BABAM2: variants seen among roughly 807,000 people sequenced by gnomAD.
The protein encoded by BABAM2 is BRISC and BRCA1-A complex member 2.
A neutral mutation model predicts 54.7 loss-of-function variants in BABAM2; 31 were observed. The observed-to-expected ratio is 0.57, with a 90% CI of 0.43 to 0.77. The LOEUF is 0.77. BABAM2 is among the 30% of genes least tolerant of loss of function. The probability of loss-of-function intolerance (pLI) is 0.00; values close to 1 mark genes in which losing one functional copy is unlikely to be tolerated. For synonymous variants in BABAM2, 167 were observed against 162.9 expected (o/e 1.03, Z -0.19); for missense variants, 364 against 455.8 (o/e 0.80, Z 1.83).
chr2:28,167,247 C>T (rs1400653102), intron 7 of BABAM2, among the ~76,000 whole-genome samples: 2 of 152,118 alleles, frequency 1.3e-5, no homozygotes, highest in Non-Finnish European at 2.9e-5. Context: ...TTGCCTTTGT[C>T]TTCAAGAAGG....
intron 6 of BABAM2, among the ~76,000 whole-genome samples, chr2:28,076,102 A>G (rs1664634458): frequency 6.6e-6 from 1 of 152,056 alleles, no homozygotes; most frequent in African/African-American, 2.4e-5. Flanking sequence ...TGTCTCTACA[A>G]CAAAAAATAA....
rs892167380 is a variant in BABAM2, at chr2:27,921,300, G to A, written c.129-8532G>A. Among the ~76,000 whole-genome samples, 4 of 152,054 alleles carry A rather than the reference G, an allele frequency of 2.6e-5. No individual in the cohort carries two copies. In the East Asian group the frequency reaches 7.7e-4, roughly 29 times the overall value. ...TCTTTTCATTAGAACGCATGTAATA[G>A]AACTTCTTTTTGGCAATATTTTGTC... On this transcript the variant is annotated intron_variant, in intron 2 of 11. Transcript: ENST00000379624.
chr2:28,170,522 A>G (rs948200107), intron 7 of BABAM2, among the ~76,000 whole-genome samples: 12 of 152,118 alleles, frequency 7.9e-5, no homozygotes, highest in African/African-American at 2.9e-4. Flanking sequence ...CCATTAAAGT[A>G]ATTAATTTAG....
intron 2 of BABAM2, among the ~76,000 whole-genome samples, chr2:27,900,023 C>T (rs76260822): frequency 0.01 from 1,568 of 152,128 alleles, 11 homozygotes; most frequent in Non-Finnish European, 0.015. Context: ...TTCCATCAGC[C>T]GAAGTGTGAA....
chr2:28,122,121 C>T (rs138016879), intron 6 of BABAM2, among the ~76,000 whole-genome samples: 2,537 of 152,184 alleles, frequency 0.017, 59 homozygotes, highest in African/African-American at 0.058. Flanking sequence ...GAGGCTGAGG[C>T]AGGAGAATGG....
At chr2:28,157,716 A>G (rs1672683995) in intron 7 of BABAM2, among the ~76,000 whole-genome samples, 1 of 152,146 alleles carries the variant, frequency 6.6e-6, no homozygotes, top group South Asian at 2.1e-4. Context: ...GGTTCAAGCT[A>G]TTCTTTTGCC....
intron 2 of BABAM2, 32 bp from the exon 3 acceptor site, chr2:27,929,800 T>G: frequency 6.3e-7 from 1 of 1,594,776 alleles, no homozygotes; most frequent in Non-Finnish European, 8.6e-7. Flanking sequence ...TTAAAAAATC[T>G]TTTCTTTCTT....
chr2:28,278,510 G>C (rs1052548259), intron 10 of BABAM2, among the ~76,000 whole-genome samples: 1 of 152,206 alleles, frequency 6.6e-6, no homozygotes, highest in Non-Finnish European at 1.5e-5. Context: ...GCTAAGGAAA[G>C]AGTGGAAATT....
chr2:28,078,566 G>T (rs929660718), intron 6 of BABAM2, among the ~76,000 whole-genome samples: 3 of 152,148 alleles, frequency 2.0e-5, no homozygotes, highest in African/African-American at 7.2e-5. Flanking sequence ...TGCTATCCAT[G>T]ATTTTAGGCA....
intron 3 of BABAM2, among the ~76,000 whole-genome samples, chr2:27,940,945 TTC>T (rs982442746): frequency 2.0e-5 from 3 of 152,064 alleles, no homozygotes; most frequent in African/African-American, 7.2e-5. Flanking sequence ...AACCCCCGAC[TTC>T]TGTTTCTCCC....
At chr2:28,158,218 T>C (rs1434790406) in intron 7 of BABAM2, among the ~76,000 whole-genome samples, 3 of 152,126 alleles carry the variant, frequency 2.0e-5, no homozygotes, top group Non-Finnish European at 4.4e-5. Flanking sequence ...AGAACAATGT[T>C]CACCCTCACC....
At chr2:28,334,462 C>T (rs974575915) in intron 11 of BABAM2, among the ~76,000 whole-genome samples, 1 of 152,256 alleles carries the variant, frequency 6.6e-6, no homozygotes, top group African/African-American at 2.4e-5. Flanking sequence ...GCAGCCTCTC[C>T]CCTTGATGTT....
chr2:27,952,621 TC>T (rs1354475481), intron 3 of BABAM2, among the ~76,000 whole-genome samples: 1 of 152,218 alleles, frequency 6.6e-6, no homozygotes, highest in Non-Finnish European at 1.5e-5. Flanking sequence ...TGAACTGTTC[TC>T]ATCTCTGGGA....
intron 4 of BABAM2, chr2:28,015,793 C>T (rs1456488409): frequency 1.9e-6 from 2 of 1,036,952 alleles, no homozygotes; most frequent in Non-Finnish European, 2.6e-6. Context: ...TTTCTTCTTC[C>T]ACTGTTTTTC....
At chr2:28,110,241 C>T (rs1432066089) in intron 6 of BABAM2, among the ~76,000 whole-genome samples, 2 of 152,080 alleles carry the variant, frequency 1.3e-5, no homozygotes, top group African/African-American at 4.8e-5. Flanking sequence ...TATATGTGTA[C>T]ATATATACCA....
intron 2 of BABAM2, among the ~76,000 whole-genome samples, chr2:27,925,334 A>G (rs1378222717): frequency 1.3e-5 from 2 of 152,256 alleles, no homozygotes; most frequent in East Asian, 3.9e-4. Flanking sequence ...CCTTTTCCCT[A>G]AACATGCTCC....
intron 7 of BABAM2, among the ~76,000 whole-genome samples, chr2:28,206,301 T>C (rs1389683690): frequency 6.6e-6 from 1 of 152,152 alleles, no homozygotes; most frequent in Non-Finnish European, 1.5e-5. Flanking sequence ...CTTGGGAACC[T>C]GAATGCCAGC....
chr2:28,232,201 C>T (rs775093099), intron 7 of BABAM2, among the ~76,000 whole-genome samples: 51 of 152,190 alleles, frequency 3.4e-4, no homozygotes, highest in Non-Finnish European at 5.6e-4. Flanking sequence ...ATTATGATTG[C>T]GAATCACTAG....
At chr2:28,076,458 ATATT>A (rs1005529042) in intron 6 of BABAM2, among the ~76,000 whole-genome samples, 1,888 of 140,180 alleles carry the variant, frequency 0.013, 38 homozygotes, top group African/African-American at 0.046. Context: ...TTTTTATTTT[ATATT>A]TATTTATTTA....
Sources: gnomAD v4.1 joint callset for allele counts (sites outside exome capture counted in the v4.1 genomes callset) on GRCh38, gnomAD v4.1.1 for gene constraint, MANE v1.5 for transcripts, NCBI Gene and HGNC (gene_info 2026-07-23, HGNC 2026-07-21) for gene names.